Variants in DST observed in about 807,000 individuals in gnomAD.
DST encodes the protein bullous pemphigoid antigen.
DST carries 253 observed loss-of-function variants against 875.2 expected under a neutral mutation model. The ratio of observed to expected loss-of-function variants is 0.29; its 90% CI spans 0.26 to 0.32. DST has a LOEUF of 0.32. DST is among the 10% of genes least tolerant of loss of function. The pLI is 1.00. For synonymous variants in DST, 3,124 were observed against 3,197.1 expected (o/e 0.98, Z 0.77); for missense variants, 8,287 against 9,111.6 (o/e 0.91, Z 3.68).
At chr6:56,718,567 A>T (rs1312875635) in intron 5 of DST, among the ~76,000 whole-genome samples, 1 of 152,226 alleles carries the variant, frequency 6.6e-6, no homozygotes, top group Non-Finnish European at 1.5e-5. Flanking sequence ...AAATGTGCAA[A>T]AGAAATAAAA....
At chr6:56,466,528 C>A in intron 98 of DST, 1 of 168,802 alleles carries the variant, frequency 5.9e-6, no homozygotes. Context: ...TTAAACATAG[C>A]CATGAAAGTA....
At chr6:56,832,096 T>C (rs887887036) in intron 4 of DST, among the ~76,000 whole-genome samples, 9 of 152,246 alleles carry the variant, frequency 5.9e-5, no homozygotes, top group Non-Finnish European at 1.3e-4. Flanking sequence ...TTCTGTAATT[T>C]AGAATCCTTC....
chr6:56,678,056 A>G (rs1267316969), intron 9 of DST, among the ~76,000 whole-genome samples: 1 of 152,212 alleles, frequency 6.6e-6, no homozygotes, highest in African/African-American at 2.4e-5. Flanking sequence ...TTTTCAAATC[A>G]TTACCTGTAA....
Position 56,493,109 on chromosome 6 carries a change from A to G in DST, c.20395-20T>C, listed in dbSNP as rs2095803463. ...TTTAGTCTGCAAGGACAGATTGTTTAGTATGTGATGTTTAAGGGCCTTGGT... is the reference window on the plus strand; with the variant it reads ...TTTAGTCTGCAAGGACAGATTGTTTGGTATGTGATGTTTAAGGGCCTTGGT... On this transcript the variant is annotated intron_variant, in intron 83 of 103. Transcript: ENST00000680361. The G allele has an allele frequency of 6.2e-7, 1 of 1,600,742 alleles. No homozygotes were observed. Among genetic ancestry groups the G allele is most frequent in the Non-Finnish European group, 8.5e-7 (1 of 1,172,910 alleles).
chr6:56,641,242 AT>A lies in DST; in HGVS notation c.2028-638del, dbSNP rs577729889. ...ACGTATTTTCTTTCAAGATTTTGTT[AT>A]GAACATTTTCATAATAGGATAAACA... is the stretch of plus-strand genomic sequence containing the variant. On this transcript the variant is annotated intron_variant, in intron 17 of 103. Coordinates refer to ENST00000680361, the MANE Select transcript of DST (RefSeq NM_001374736.1). Among the ~76,000 whole-genome samples the A allele has an allele frequency of 3.3e-3, 502 of 152,154 alleles. 4 individuals carry two copies. Among genetic ancestry groups the A allele is most frequent in the African/African-American group, 0.012 (485 of 41,536 alleles).
rs1374895234 is a variant in DST, at chr6:56,593,997, G to A, written c.12392C>T (p.Ser4131Phe). ...AAACTTTTCTAATTCTTCCTGCAGA[G>A]AGTGAGTTAACTTCATTTTCTTCTC... Reference protein sequence around the residue: ...ESEKKMKLTHSLQEELEKFDA... With the variant: ...ESEKKMKLTHFLQEELEKFDA... The change falls in exon 48 of 104, where the codon TCT becomes TTT. Residue 4131 changes from serine to phenylalanine, a missense_variant. This residue lies in a region of DST where 1,513 missense variants were observed against 1,677.8 expected (regional missense o/e 0.90). Transcript: ENST00000680361. The A allele has an allele frequency of 1.9e-6, 3 of 1,613,854 alleles. No homozygotes were observed. The highest frequency in any genetic ancestry group is 1.7e-4 in the Middle Eastern group (1 of 6,060).
rs115132317 is a variant in DST at position 56,523,556 on chromosome 6, C to G, written c.18129+2805G>C. 7.9e-3 allele frequency among the ~76,000 whole-genome samples: 1,196 copies of G among 152,166 alleles called. 15 individuals are homozygous for G. The highest frequency in any genetic ancestry group is 0.027 in the African/African-American group (1,104 of 41,530). Reference sequence around the variant, plus strand: ...AATACATTCTGCGATTGTGGCTTGACAGTTCACAAAGTGCTTATGCTTTTG... The same window carrying G: ...AATACATTCTGCGATTGTGGCTTGAGAGTTCACAAAGTGCTTATGCTTTTG... On this transcript the variant is annotated intron_variant, in intron 69 of 103. Coordinates refer to ENST00000680361, the MANE Select transcript of DST (RefSeq NM_001374736.1).
intron 49 of DST, among the ~76,000 whole-genome samples, chr6:56,586,938 A>G (rs1400469840): frequency 1.3e-5 from 2 of 152,326 alleles, no homozygotes; most frequent in East Asian, 3.9e-4. Context: ...GACCAAAAGT[A>G]GATAAAACCA....
chr6:56,831,179 T>C (rs2099786504), intron 4 of DST, among the ~76,000 whole-genome samples: 1 of 152,294 alleles, frequency 6.6e-6, no homozygotes, highest in South Asian at 2.1e-4. Flanking sequence ...CATCCAATCT[T>C]TACATTTGCT....
intron 49 of DST, among the ~76,000 whole-genome samples, chr6:56,579,591 A>C (rs56697658): frequency 6.6e-6 from 1 of 152,148 alleles, no homozygotes; most frequent in Non-Finnish European, 1.5e-5. Context: ...AATGAGGGCC[A>C]CCTCAATGGT....
chr6:56,464,397 T>G, intron 100 of DST: 1 of 428,538 alleles, frequency 2.3e-6, no homozygotes, highest in East Asian at 3.9e-5. Flanking sequence ...AGGTAGTCAG[T>G]GATGCAGCAC....
rs2152712964 is a variant in DST at position 56,607,678 on chromosome 6, G to C, written c.6950C>G (p.Ser2317Cys). 6.2e-7 allele frequency: 1 copy of C among 1,613,464 alleles called. No individual in the cohort carries two copies. Among genetic ancestry groups the C allele is most frequent in the East Asian group, 2.2e-5 (1 of 44,866 alleles). Residue 2317 changes from serine (S) to cysteine (C), a missense_variant, in exon 40 of 104, where the codon TCT becomes TGT. By Grantham distance (112) the Ser-to-Cys change is moderately radical. Coordinates refer to ENST00000680361, the MANE Select transcript of DST (RefSeq NM_001374736.1). ...MRNTVINSEFSQSGKLASTIS... is the reference protein window; with the variant it reads ...MRNTVINSEFCQSGKLASTIS... Reference sequence around the variant, plus strand: ...TGTACTTGCCAGTTTTCCTGACTGAGAAAATTCACTATTGATAACAGTATT... The same window carrying C: ...TGTACTTGCCAGTTTTCCTGACTGACAAAATTCACTATTGATAACAGTATT...
chr6:56,879,284 C>G (rs1339579707), intron 3 of DST, among the ~76,000 whole-genome samples: 1 of 152,014 alleles, frequency 6.6e-6, no homozygotes, highest in Middle Eastern at 3.4e-3. Context: ...CTGGCTAACA[C>G]GGTGAAACCC....
chr6:56,585,191 C>G (rs1232497812), intron 49 of DST, among the ~76,000 whole-genome samples: 25 of 152,324 alleles, frequency 1.6e-4, no homozygotes, highest in Admixed American at 4.6e-4. Context: ...CCTTGTACCT[C>G]TGGTAGAATT....
At chr6:56,831,893 T>C (rs1240241701) in intron 4 of DST, among the ~76,000 whole-genome samples, 1 of 152,124 alleles carries the variant, frequency 6.6e-6, no homozygotes, top group Non-Finnish European at 1.5e-5. Flanking sequence ...ACTAGAAATA[T>C]GAGAAAGGTT....
At chr6:56,802,025 C>T (rs1403671440) in intron 4 of DST, among the ~76,000 whole-genome samples, 1 of 152,192 alleles carries the variant, frequency 6.6e-6, no homozygotes, top group Non-Finnish European at 1.5e-5. Context: ...GCTGGGATTA[C>T]AGGCGTGAGC....
At position 56,605,118 on chromosome 6, in the gene DST, G is replaced by A. The variant is rs1254572959; in HGVS notation, c.9510C>T (p.Phe3170=). Residue 3170 remains phenylalanine, a synonymous_variant, in exon 40 of 104, where the codon TTC becomes TTT. Transcript: ENST00000680361. ...CAAGCTCTTTCTCAGGTCCATCAGT[G>A]AATGACTCCTCAAAATGTGTATTCC... ...WEGNTHFEES[F]TDGPEKELDL... 2 of 1,612,580 alleles carry A rather than the reference G, an allele frequency of 1.2e-6. No individual in the cohort carries two copies. Among genetic ancestry groups the A allele is most frequent in the South Asian group, 1.1e-5 (1 of 91,014 alleles).
rs750857088 is a variant in DST, at chr6:56,634,463, T to C, written c.3493A>G (p.Arg1165Gly). 1.2e-5 allele frequency: 20 copies of C among 1,614,006 alleles called. No homozygotes were observed. Among genetic ancestry groups the C allele is most frequent in the Admixed American group, 1.7e-5 (1 of 59,988 alleles). The change falls in exon 26 of 104, where the codon AGA becomes GGA. Residue 1165 changes from arginine (R) to glycine (G), a missense_variant and splice_region_variant. Coordinates refer to ENST00000680361, the MANE Select transcript of DST (RefSeq NM_001374736.1). Reference sequence around the variant, plus strand: ...CATTTTTAGCTAATATATACAAACCTGTTGGCAAGGTCCACCGCTTCTTTG... The same window carrying C: ...CATTTTTAGCTAATATATACAAACCCGTTGGCAAGGTCCACCGCTTCTTTG... The part of the protein sequence containing the change: ...PNKEAVDLAN[R>G]IEQQYQNVLT...
chr6:56,952,115 A>G (rs1252676521), intron 2 of DST, among the ~76,000 whole-genome samples: 1 of 152,232 alleles, frequency 6.6e-6, no homozygotes, highest in African/African-American at 2.4e-5. Flanking sequence ...GACAAGGCAA[A>G]TACCACACAA....
Sources: gnomAD v4.1 joint callset for allele counts (sites outside exome capture counted in the v4.1 genomes callset) on GRCh38, gnomAD v4.1.1 for gene constraint, gnomAD v4.1.1 regional missense constraint, MANE v1.5 for transcripts, NCBI Gene and HGNC (gene_info 2026-07-23, HGNC 2026-07-21) for gene names.